The following GAS7 variants were observed in gnomAD, a reference collection of about 807,000 sequenced individuals.
The protein encoded by GAS7 is growth arrest-specific protein 7.
A neutral mutation model predicts 71.1 loss-of-function variants in GAS7; 28 were observed. The observed-to-expected ratio is 0.39, with a 90% CI of 0.29 to 0.54. The LOEUF (loss-of-function observed/expected upper bound fraction) is 0.54, where lower values mean the gene tolerates loss of function less well. Ranked by LOEUF, GAS7 falls within the 20% of genes least tolerant of loss-of-function variation. The probability of loss-of-function intolerance (pLI) is 0.62; values close to 1 mark genes in which losing one functional copy is unlikely to be tolerated. For missense variants in GAS7, 436 were observed against 627.8 expected (o/e 0.69, Z 3.27); for synonymous variants, 258 against 245.8 (o/e 1.05, Z -0.46).
At position 9,912,663 on chromosome 17, in the gene GAS7, C is replaced by T; in HGVS notation, c.*4565G>A. 1 of 232,820 alleles carries T rather than the reference C, an allele frequency of 4.3e-6. No individual in the cohort carries two copies. 14.4% of individuals were successfully genotyped at this position (232,820 alleles called of 1,614,324 possible). A position where few individuals can be genotyped will look rare whatever the true frequency, so the allele number is the denominator to read the frequency against. On this transcript the variant is annotated 3_prime_UTR_variant, in exon 14 of 14. Coordinates refer to ENST00000432992, the MANE Select transcript of GAS7 (RefSeq NM_201433.2). Reference sequence around the variant, plus strand: ...GATTCTTTCTGCACTACCAAAAACCCACCACGCGCCAAAAGGCGAGTGTGA... The same window carrying T: ...GATTCTTTCTGCACTACCAAAAACCTACCACGCGCCAAAAGGCGAGTGTGA...
intron 2 of GAS7, among the ~76,000 whole-genome samples, chr17:9,982,331 G>C (rs956248953): frequency 5.9e-5 from 9 of 152,208 alleles, no homozygotes; most frequent in Non-Finnish European, 1.0e-4. Context: ...CAGAGGTGCA[G>C]GAGCCTGTAA....
chr17:10,160,955 C>CAG (rs1462309659), intron 1 of GAS7, among the ~76,000 whole-genome samples: 3 of 136,970 alleles, frequency 2.2e-5, no homozygotes, highest in African/African-American at 7.5e-5. Context: ...CACACACACA[C>CAG]ACACACACAC....
chr17:10,082,101 A>G (rs1430845083), intron 1 of GAS7, among the ~76,000 whole-genome samples: 1 of 152,190 alleles, frequency 6.6e-6, no homozygotes, highest in East Asian at 1.9e-4. Context: ...TCAAAAACAC[A>G]TTGTGTGAAA....
intron 2 of GAS7, among the ~76,000 whole-genome samples, chr17:10,006,379 G>T (rs1275696673): frequency 7.1e-6 from 1 of 140,120 alleles, no homozygotes; most frequent in African/African-American, 2.6e-5. Flanking sequence ...GCCCAGGCTG[G>T]AGTGCAGTGG....
Position 9,916,156 on chromosome 17 carries a change from C to T in GAS7, c.*1072G>A, listed in dbSNP as rs138310902. On this transcript the variant is annotated 3_prime_UTR_variant, in exon 14 of 14. Transcript: ENST00000432992. ...AAAACTGTACAAGGGACAGCAGTCC[C>T]AGCCCTGCCATACACAAGAAGACAG... 428 of 233,132 alleles carry T rather than the reference C, an allele frequency of 1.8e-3. 2 individuals are homozygous for T. Among genetic ancestry groups the T allele is most frequent in the African/African-American group, 8.7e-3 (394 of 45,460 alleles). 14.4% of individuals were successfully genotyped at this position (233,132 alleles called of 1,614,324 possible). A position where few individuals can be genotyped will look rare whatever the true frequency, so the allele number is the denominator to read the frequency against.
intron 1 of GAS7, among the ~76,000 whole-genome samples, chr17:10,182,332 G>T (rs2142144335): frequency 1.3e-5 from 2 of 152,138 alleles, no homozygotes; most frequent in African/African-American, 4.8e-5. Flanking sequence ...GCTAATTTTT[G>T]CATATTTAGT....
At chr17:10,067,595 G>A (rs969959569) in intron 1 of GAS7, among the ~76,000 whole-genome samples, 1 of 152,094 alleles carries the variant, frequency 6.6e-6, no homozygotes, top group African/African-American at 2.4e-5. Flanking sequence ...CTCTGGCTAG[G>A]GGGTAATCAG....
rs59773932 is a variant in GAS7 at position 9,957,582 on chromosome 17, C to A, written c.525+1620G>T. On this transcript the variant is annotated intron_variant, in intron 5 of 13. Coordinates refer to ENST00000432992, the MANE Select transcript of GAS7 (RefSeq NM_201433.2). ...TATGTCTCCCACTCCGACCTCCCCC[C>A]CTTTCTCCTCCCCCTCCTTTTTATG... 5.3e-3 allele frequency among the ~76,000 whole-genome samples: 789 copies of A among 149,628 alleles called. 5 individuals carry two copies. The highest frequency in any genetic ancestry group is 0.017 in the African/African-American group (699 of 40,978).
intron 2 of GAS7, among the ~76,000 whole-genome samples, chr17:10,011,485 G>GA (rs2071770648): frequency 6.6e-6 from 1 of 152,136 alleles, no homozygotes; most frequent in South Asian, 2.1e-4. Flanking sequence ...TTCCAGAAGT[G>GA]AACATATCCA....
At chr17:10,098,664 C>T (rs2073668326) in intron 1 of GAS7, among the ~76,000 whole-genome samples, 2 of 152,156 alleles carry the variant, frequency 1.3e-5, no homozygotes, top group South Asian at 4.1e-4. Context: ...CTTCAGAACA[C>T]AGATAAAACA....
chr17:9,975,803 C>T (rs1043333287), intron 3 of GAS7, among the ~76,000 whole-genome samples: 4 of 152,172 alleles, frequency 2.6e-5, no homozygotes, highest in Admixed American at 6.5e-5. Flanking sequence ...CAACAGCATG[C>T]AGCATCCTTC....
At chr17:10,091,897 CTGGT>C (rs1567587992) in intron 1 of GAS7, among the ~76,000 whole-genome samples, 3 of 151,794 alleles carry the variant, frequency 2.0e-5, no homozygotes, top group Non-Finnish European at 4.4e-5. Flanking sequence ...TTTGCCCAGG[CTGGT>C]CTCAAACTCC....
chr17:9,958,978 T>G (rs1228985986), intron 5 of GAS7: 1 of 1,413,164 alleles, frequency 7.1e-7, no homozygotes, highest in Non-Finnish European at 9.2e-7. Flanking sequence ...CCATCCTCCT[T>G]CCACTTGTTC....
intron 1 of GAS7, among the ~76,000 whole-genome samples, chr17:10,056,285 A>G: frequency 6.6e-6 from 1 of 152,118 alleles, no homozygotes; most frequent in East Asian, 1.9e-4. Flanking sequence ...GCTTGAGCCC[A>G]GGAGTTCGAA....
intron 1 of GAS7, among the ~76,000 whole-genome samples, chr17:10,159,065 C>CAAATATATATATATATAT: frequency 1.7e-5 from 1 of 60,000 alleles, no homozygotes; most frequent in Non-Finnish European, 2.9e-5. Context: ...GTCTCTAAAA[C>CAAATATATATATATATAT]ATATATATAT....
At chr17:10,070,704 T>G (rs1458822445) in intron 1 of GAS7, among the ~76,000 whole-genome samples, 2 of 151,868 alleles carry the variant, frequency 1.3e-5, no homozygotes, top group African/African-American at 4.8e-5. Flanking sequence ...TCTGCTCAGC[T>G]TACCAGGCTA....
At chr17:10,099,677 T>C (rs540203071) in intron 1 of GAS7, among the ~76,000 whole-genome samples, 1 of 152,274 alleles carries the variant, frequency 6.6e-6, no homozygotes, top group Admixed American at 6.5e-5. Flanking sequence ...TATACAACTC[T>C]TCATTTTGAA....
intron 2 of GAS7, among the ~76,000 whole-genome samples, chr17:9,991,352 A>G (rs997813939): frequency 6.6e-6 from 1 of 151,838 alleles, no homozygotes; most frequent in Non-Finnish European, 1.5e-5. Flanking sequence ...CCAACTTCCC[A>G]CTCACAGCTG....
Position 10,019,874 on chromosome 17 carries a change from C to T in GAS7, c.207G>A (p.Pro69=), listed in dbSNP as rs145677668. The change falls in exon 2 of 14, where the codon CCG becomes CCA. Residue 69 remains proline (P), a synonymous_variant. Transcript: ENST00000432992. ...LLEKPGMVPP[P]PGEESQTVIL... is the part of the protein sequence containing the mutation. ...TGACCGTCTGGCTTTCTTCTCCCGG[C>T]GGAGGGGGGACCATTCCAGGCTTCT... 3.3e-5 allele frequency: 53 copies of T among 1,613,702 alleles called. 1 individual carries two copies. The highest frequency in any genetic ancestry group is 3.3e-4 in the Middle Eastern group (2 of 6,082).
Sources: allele counts gnomAD v4.1 joint callset (sites outside exome capture counted in the v4.1 genomes callset), GRCh38; gene constraint gnomAD v4.1.1; transcripts MANE v1.5; gene names NCBI Gene and HGNC (gene_info 2026-07-23, HGNC 2026-07-21).